The following CYB5B variants were observed in gnomAD, a reference collection of about 807,000 sequenced individuals.
The protein encoded by CYB5B is cytochrome b5 type B.
A neutral mutation model predicts 21.3 loss-of-function variants in CYB5B; 14 were observed. That is an observed-to-expected ratio of 0.66 (90% CI 0.43 to 1.03). The LOEUF is 1.03. CYB5B is among the 50% of genes least tolerant of loss of function. The pLI is 0.00. For missense variants in CYB5B, 166 were observed against 185.1 expected (o/e 0.90, Z 0.60); for synonymous variants, 69 against 68.4 (o/e 1.01, Z -0.04).
At chr16:69,447,982 T>C (rs552912832) in intron 2 of CYB5B, 133 bp from the exon 3 acceptor site, 3 of 885,618 alleles carry the variant, frequency 3.4e-6, no homozygotes, top group Admixed American at 2.8e-5. Flanking sequence ...TATCTTTCTA[T>C]GGATCCTCAA....
chr16:69,452,859 C>T (rs551536611), intron 3 of CYB5B, among the ~76,000 whole-genome samples: 87 of 151,362 alleles, frequency 5.7e-4, no homozygotes, highest in Non-Finnish European at 9.6e-4. Flanking sequence ...ATTAGCTGGG[C>T]GTGGTGGTGC....
chr16:69,435,710 T>C lies in CYB5B; in HGVS notation c.174+10853T>C, dbSNP rs1462050482. Among the ~76,000 whole-genome samples the C allele has an allele frequency of 2.0e-5, 3 of 152,166 alleles. No homozygotes were observed. In the East Asian group the frequency reaches 5.8e-4, roughly 29 times the overall value. ...TGGAGTGCAGTGGCGCGGTCTCAGC[T>C]CATTACAACCTCTGCCTCCCGGGTT... On this transcript the variant is annotated intron_variant, in intron 1 of 4. Coordinates refer to ENST00000307892, the MANE Select transcript of CYB5B (RefSeq NM_030579.3).
At chr16:69,426,897 T>C (rs527340885) in intron 1 of CYB5B, among the ~76,000 whole-genome samples, 1 of 152,188 alleles carries the variant, frequency 6.6e-6, no homozygotes, top group Non-Finnish European at 1.5e-5. Flanking sequence ...TTCTGGTATT[T>C]GCTTCATAGT....
At chr16:69,426,534 G>A (rs1247120952) in intron 1 of CYB5B, among the ~76,000 whole-genome samples, 5 of 150,362 alleles carry the variant, frequency 3.3e-5, no homozygotes, top group East Asian at 2.0e-4. Context: ...GTGAAACCCC[G>A]ACTCTACTAA....
At position 69,463,788 on chromosome 16, in the gene CYB5B, A is replaced by G. The variant is rs1480597427; in HGVS notation, c.*1268A>G. ...TGTTCTGTTTTTCCATGAGAATAAA[A>G]TACTGGCGGTTTTTTTCTCAGATGT... On this transcript the variant is annotated 3_prime_UTR_variant, in exon 5 of 5. Coordinates refer to ENST00000307892, the MANE Select transcript of CYB5B (RefSeq NM_030579.3). 1 of 152,232 alleles carries G rather than the reference A, an allele frequency of 6.6e-6. No individual in the cohort carries two copies. Among genetic ancestry groups the G allele is most frequent in the Admixed American group, 6.5e-5 (1 of 15,286 alleles). 9.4% of individuals were successfully genotyped at this position (152,232 alleles called of 1,614,324 possible).
Position 69,464,416 on chromosome 16 carries a change from G to T in CYB5B, c.*1896G>T, listed in dbSNP as rs2015066671. The T allele has an allele frequency of 6.6e-6, 1 of 152,142 alleles. No individual in the cohort carries two copies. Among genetic ancestry groups the T allele is most frequent in the Non-Finnish European group, 1.5e-5 (1 of 68,030 alleles). 9.4% of individuals were successfully genotyped at this position (152,142 alleles called of 1,614,324 possible). ...ACTTTGGTTATTATTTAACAAAAGT[G>T]GTATGACTTGATGCTTCTCTATTTA... On this transcript the variant is annotated 3_prime_UTR_variant, in exon 5 of 5. Coordinates refer to ENST00000307892, the MANE Select transcript of CYB5B (RefSeq NM_030579.3).
intron 1 of CYB5B, among the ~76,000 whole-genome samples, chr16:69,438,608 CTTTTTTTT>C (rs35676965): frequency 6.6e-6 from 1 of 150,628 alleles, no homozygotes; most frequent in Admixed American, 6.6e-5. Context: ...ATTTTCATTT[CTTTTTTTT>C]TTGGTGTGGG....
At chr16:69,459,474 A>T (rs530336111) in intron 4 of CYB5B, 7 of 197,892 alleles carry the variant, frequency 3.5e-5, no homozygotes, top group Non-Finnish European at 6.1e-5. Flanking sequence ...CTTAAAACTT[A>T]ATCGCATTTA....
intron 1 of CYB5B, among the ~76,000 whole-genome samples, chr16:69,440,108 C>T (rs1326601418): frequency 6.9e-6 from 1 of 145,060 alleles, no homozygotes; most frequent in Non-Finnish European, 1.5e-5. Context: ...CCCCTGGCCT[C>T]TAGTGATCCT....
At chr16:69,425,377 A>T (rs1176787525) in intron 1 of CYB5B, among the ~76,000 whole-genome samples, 1 of 151,052 alleles carries the variant, frequency 6.6e-6, no homozygotes, top group Non-Finnish European at 1.5e-5. Flanking sequence ...CCCTAATCTG[A>T]GTTGACCTTG....
At chr16:69,458,282 C>G (rs1597287482) in intron 3 of CYB5B, among the ~76,000 whole-genome samples, 1 of 152,158 alleles carries the variant, frequency 6.6e-6, no homozygotes, top group African/African-American at 2.4e-5. Flanking sequence ...CATTAGCAGT[C>G]GTTTTCCATT....
chr16:69,430,783 C>T (rs2014698373), intron 1 of CYB5B, among the ~76,000 whole-genome samples: 1 of 151,302 alleles, frequency 6.6e-6, no homozygotes, highest in Non-Finnish European at 1.5e-5. Flanking sequence ...AAGTGATTCT[C>T]CTGCTTCAGC....
rs180960106 is a variant in CYB5B at position 69,448,532 on chromosome 16, T to C, written c.333+388T>C. The C allele has an allele frequency of 3.6e-5, 7 of 195,956 alleles. No individual in the cohort carries two copies. In the East Asian group the frequency reaches 9.1e-4, roughly 25 times the overall value. 12.1% of individuals were successfully genotyped at this position (195,956 alleles called of 1,614,324 possible). ...AATTGCAAAGTTGTTTTGTTTCTTA[T>C]AGGTTATCTTCTTTATCTGTAATAC... On this transcript the variant is annotated intron_variant, in intron 3 of 4. Transcript: ENST00000307892.
intron 1 of CYB5B, among the ~76,000 whole-genome samples, chr16:69,431,425 A>G (rs772737586): frequency 6.6e-5 from 10 of 152,228 alleles, no homozygotes; most frequent in Non-Finnish European, 1.3e-4. Context: ...GTGTATAAAA[A>G]TAAACATAAA....
At chr16:69,435,638 ATTAAT>A (rs2014752203) in intron 1 of CYB5B, among the ~76,000 whole-genome samples, 1 of 152,066 alleles carries the variant, frequency 6.6e-6, no homozygotes, top group Non-Finnish European at 1.5e-5. Flanking sequence ...AATTTAATTA[ATTAAT>A]TTATTTGTTT....
intron 1 of CYB5B, among the ~76,000 whole-genome samples, chr16:69,438,753 A>G (rs2014788259): frequency 6.6e-6 from 1 of 151,992 alleles, no homozygotes; most frequent in South Asian, 2.1e-4. Flanking sequence ...CCTTTTTGTA[A>G]ATTTGAATGT....
intron 1 of CYB5B, among the ~76,000 whole-genome samples, chr16:69,440,538 G>A (rs2014809351): frequency 1.3e-5 from 2 of 152,102 alleles, no homozygotes; most frequent in Admixed American, 1.3e-4. Flanking sequence ...AAATTTCACA[G>A]TATATATTCT....
At chr16:69,452,815 A>G (rs1262778403) in intron 3 of CYB5B, among the ~76,000 whole-genome samples, 1 of 152,144 alleles carries the variant, frequency 6.6e-6, no homozygotes, top group Non-Finnish European at 1.5e-5. Context: ...CTTGGCCAAC[A>G]TGGTAAAACC....
intron 1 of CYB5B, among the ~76,000 whole-genome samples, chr16:69,441,006 C>T (rs1388802904): frequency 6.6e-6 from 1 of 151,896 alleles, no homozygotes; most frequent in East Asian, 1.9e-4. Context: ...ATTGTAGATT[C>T]ATATGTAGTT....
Sources: allele counts gnomAD v4.1 joint callset (sites outside exome capture counted in the v4.1 genomes callset), GRCh38; gene constraint gnomAD v4.1.1; transcripts MANE v1.5; gene names NCBI Gene and HGNC (gene_info 2026-07-23, HGNC 2026-07-21).